Variants in CELSR3 observed in about 807,000 individuals in gnomAD.
CELSR3 encodes the protein cadherin EGF LAG seven-pass G-type receptor 3.
Under a neutral mutation model 270.0 loss-of-function variants are expected in CELSR3, and 73 were observed. The ratio of observed to expected loss-of-function variants is 0.27; its 90% CI spans 0.22 to 0.33. The LOEUF (loss-of-function observed/expected upper bound fraction) is 0.33, where lower values mean the gene tolerates loss of function less well. Among genes scored for constraint, CELSR3 ranks in the 10% least tolerant of loss-of-function variants. CELSR3 has a pLI of 1.00. For synonymous variants in CELSR3, 1,780 were observed against 1,905.4 expected (o/e 0.93, Z 1.71); for missense variants, 3,614 against 4,533.8 (o/e 0.80, Z 5.83).
rs2047149625 is a variant in CELSR3 at position 48,652,903 on chromosome 3, G to A, written c.5634+99C>T. Reference sequence around the variant, plus strand: ...GGGGTAGAACATCAGACTCAGTGCAGTGGAGGGAACTGAGAGGAGCTGGAC... The same window carrying A: ...GGGGTAGAACATCAGACTCAGTGCAATGGAGGGAACTGAGAGGAGCTGGAC... On this transcript the variant is annotated intron_variant, in intron 10 of 34. Coordinates refer to ENST00000164024, the MANE Select transcript of CELSR3 (RefSeq NM_001407.3). This position sits in a 1 kb window ranked among gnomAD's most constrained non-coding sequence, Gnocchi z 4.3. 4.0e-6 allele frequency: 4 copies of A among 993,506 alleles called. No homozygotes were observed. The highest frequency in any genetic ancestry group is 3.2e-5 in the African/African-American group (2 of 62,598). 61.5% of individuals were successfully genotyped at this position (993,506 alleles called of 1,614,324 possible).
chr3:48,655,673 G>C lies in CELSR3; in HGVS notation c.4741+63C>G, dbSNP rs1220180392. 7.2e-7 allele frequency: 1 copy of C among 1,390,806 alleles called. No individual in the cohort carries two copies. The highest frequency in any genetic ancestry group is 1.4e-5 in the African/African-American group (1 of 70,640). 86.2% of individuals were successfully genotyped at this position (1,390,806 alleles called of 1,614,324 possible). A position where few individuals can be genotyped will look rare whatever the true frequency, so the allele number is the denominator to read the frequency against. On this transcript the variant is annotated intron_variant, in intron 4 of 34. Transcript: ENST00000164024. This position sits in a 1 kb window ranked among gnomAD's most constrained non-coding sequence, Gnocchi z 5.8. ...GTGCACAGTGAAGCAAACCTGAGGGGACTTGGGCCCTGCGTCCTCCAGCAC... is the reference window on the plus strand; with the variant it reads ...GTGCACAGTGAAGCAAACCTGAGGGCACTTGGGCCCTGCGTCCTCCAGCAC...
At position 48,652,025 on chromosome 3, in the gene CELSR3, G is replaced by A; in HGVS notation, c.5775C>T (p.Pro1925=). 1 of 1,573,270 alleles carries A rather than the reference G, an allele frequency of 6.4e-7. No homozygotes were observed. Among genetic ancestry groups the A allele is most frequent in the Non-Finnish European group, 8.6e-7 (1 of 1,163,006 alleles). The change falls in exon 12 of 35, where the codon CCC becomes CCT. Residue 1925 remains proline, a synonymous_variant. Transcript: ENST00000164024. The surrounding 1 kb of genome is among the most constrained non-coding windows in gnomAD (Gnocchi z 4.3). The part of the protein sequence containing the change: ...CIQGVWLGST[P]SGSPALLPPS... ...GGGGTAGCAGGGCCGGGGAGCCAGAGGGTGTGGAGCCGAGCCACACCCCCT... is the reference window on the plus strand; with the variant it reads ...GGGGTAGCAGGGCCGGGGAGCCAGAAGGTGTGGAGCCGAGCCACACCCCCT...
chr3:48,648,969 C>A, intron 17 of CELSR3, 41 bp from the exon 18 acceptor site: 2 of 1,602,978 alleles, frequency 1.2e-6, no homozygotes, highest in East Asian at 2.2e-5. Flanking sequence ...GTCCCTTAGG[C>A]CTTCCTCTAA....
At position 48,652,663 on chromosome 3, in the gene CELSR3, TCCTGGACCCACAGTAGA is replaced by T. The variant is rs1436927222; in HGVS notation, c.5635-127_5635-111del. On this transcript the variant is annotated intron_variant, in intron 10 of 34. Transcript: ENST00000164024. The surrounding 1 kb of genome is among the most constrained non-coding windows in gnomAD (Gnocchi z 4.3). ...TAGCCCTTCTAGGCTGCCCCCTCCC[TCCTGGACCCACAGTAGA>T]CCTTAATATTGCTTGATTTTGACCG... 243 of 790,668 alleles carry T rather than the reference TCCTGGACCCACAGTAGA, an allele frequency of 3.1e-4. 1 individual carries two copies. The highest frequency in any genetic ancestry group is 2.7e-3 in the Admixed American group (96 of 35,030). 49.0% of individuals were successfully genotyped at this position (790,668 alleles called of 1,614,324 possible). A position where few individuals can be genotyped will look rare whatever the true frequency, so the allele number is the denominator to read the frequency against.
chr3:48,649,106 T>C lies in CELSR3; in HGVS notation c.6567+15A>G, dbSNP rs1449532417. The C allele has an allele frequency of 1.6e-5, 26 of 1,607,054 alleles. No homozygotes were observed. The highest frequency in any genetic ancestry group is 2.1e-5 in the Non-Finnish European group (25 of 1,176,664). Reference sequence around the variant, plus strand: ...GAAGGTCTTAGGTTGCAGGAAAAGGTCTGGGCAGTCTCACCAGCAGACTGA... The same window carrying C: ...GAAGGTCTTAGGTTGCAGGAAAAGGCCTGGGCAGTCTCACCAGCAGACTGA... On this transcript the variant is annotated intron_variant, in intron 17 of 34. Coordinates refer to ENST00000164024, the MANE Select transcript of CELSR3 (RefSeq NM_001407.3).
Position 48,655,342 on chromosome 3 carries a change from C to T in CELSR3, c.4794G>A (p.Gly1598=). ...SPTVPGGLSD[G]QWHTVHLRYY... is the part of the protein sequence containing the mutation. ...ATCTCAGATGCACTGTATGCCATTG[C>T]CCGTCACTCAAGCCCCCTGGAACTG... is the stretch of plus-strand genomic sequence containing the variant. The change falls in exon 5 of 35, where the codon GGG becomes GGA. Residue 1598 remains glycine (G), a synonymous_variant. Coordinates refer to ENST00000164024, the MANE Select transcript of CELSR3 (RefSeq NM_001407.3). This position sits in a 1 kb window ranked among gnomAD's most constrained non-coding sequence, Gnocchi z 5.8. 1.2e-6 allele frequency: 2 copies of T among 1,614,088 alleles called. No individual in the cohort carries two copies. The highest frequency in any genetic ancestry group is 1.1e-5 in the South Asian group (1 of 91,072).
rs760431521 is a variant in CELSR3, at chr3:48,641,345, G to A, written c.9004C>T (p.Arg3002Trp). Residue 3002 changes from arginine to tryptophan, a missense_variant, in exon 33 of 35, where the codon CGG becomes TGG. Transcript: ENST00000164024. This position sits in a 1 kb window ranked among gnomAD's most constrained non-coding sequence, Gnocchi z 4.8. ...GTACCTTTCCTCTGGCGCTGGGCCC[G>A]GCCCAGAGAAGTCTCATCCCCACTG... ...LTSGDETSLG[R>W]AQRQRKGILK... 3.7e-6 allele frequency: 6 copies of A among 1,610,322 alleles called. No homozygotes were observed. Among genetic ancestry groups the A allele is most frequent in the Middle Eastern group, 1.7e-4 (1 of 5,776 alleles).
rs1030520815 is a variant in CELSR3 at position 48,650,034 on chromosome 3, G to A, written c.6472+446C>T. 1.3e-5 allele frequency among the ~76,000 whole-genome samples: 2 copies of A among 151,740 alleles called. No homozygotes were observed. Among genetic ancestry groups the A allele is most frequent in the Non-Finnish European group, 2.9e-5 (2 of 67,942 alleles). On this transcript the variant is annotated intron_variant, in intron 16 of 34. Coordinates refer to ENST00000164024, the MANE Select transcript of CELSR3 (RefSeq NM_001407.3). The surrounding 1 kb of genome is among the most constrained non-coding windows in gnomAD (Gnocchi z 5.1). ...TTCGTGACCTCAGGCAGTGGGGAAA[G>A]TTCTATGGGGACCCCAGGAACTGAG...
chr3:48,660,496 G>A lies in CELSR3; in HGVS notation c.2139C>T (p.Pro713=). 1 of 1,614,106 alleles carries A rather than the reference G, an allele frequency of 6.2e-7. No individual in the cohort carries two copies. Among genetic ancestry groups the A allele is most frequent in the Non-Finnish European group, 8.5e-7 (1 of 1,180,032 alleles). ...AATGCTCCACAGACTCACGGTCCAG[G>A]GGACCACTCACAGAGACCCAGCCAG... ...SATGWVSVSG[P]LDRESVEHYF... Residue 713 remains proline, a synonymous_variant, in exon 1 of 35, where the codon CCC becomes CCT. Transcript: ENST00000164024. The surrounding 1 kb of genome is among the most constrained non-coding windows in gnomAD (Gnocchi z 5.5).
chr3:48,654,491 C>T lies in CELSR3; in HGVS notation c.4989-39G>A. 6.5e-7 allele frequency: 1 copy of T among 1,532,194 alleles called. No homozygotes were observed. Among genetic ancestry groups the T allele is most frequent in the Non-Finnish European group, 8.8e-7 (1 of 1,136,784 alleles). 94.9% of individuals were successfully genotyped at this position (1,532,194 alleles called of 1,614,324 possible). A position where few individuals can be genotyped will look rare whatever the true frequency, so the allele number is the denominator to read the frequency against. ...GTCTGGGTCATTGGTGGGACTGGGG[C>T]CAGAGTAGAGTTGCTCCTGGGGGGC... On this transcript the variant is annotated intron_variant, in intron 6 of 34. Coordinates refer to ENST00000164024, the MANE Select transcript of CELSR3 (RefSeq NM_001407.3). This position sits in a 1 kb window ranked among gnomAD's most constrained non-coding sequence, Gnocchi z 5.4.
rs781409540 is a variant in CELSR3, at chr3:48,654,437, C to T, written c.5004G>A (p.Thr1668=). 8.1e-6 allele frequency: 13 copies of T among 1,595,402 alleles called. No individual in the cohort carries two copies. Among genetic ancestry groups the T allele is most frequent in the South Asian group, 3.3e-5 (3 of 89,590 alleles). The change falls in exon 7 of 35, where the codon ACG becomes ACA. Residue 1668 remains threonine (T), a synonymous_variant. Coordinates refer to ENST00000164024, the MANE Select transcript of CELSR3 (RefSeq NM_001407.3). The surrounding 1 kb of genome is among the most constrained non-coding windows in gnomAD (Gnocchi z 5.4). ...QTSSKKSLDL[T]GPLLLGGVPN... ...GGACACCTCCCAGAAGAAGAGGGCC[C>T]GTCAGGTCCAGGGACCTGGGGATCA...
intron 34 of CELSR3, 95 bp from the exon 35 acceptor site, chr3:48,638,327 C>T: frequency 1.1e-6 from 1 of 876,308 alleles, no homozygotes; most frequent in South Asian, 1.3e-5. Context: ...GGCTGCTTCC[C>T]TTGCCTCCAC....
chr3:48,662,226 G>A lies in CELSR3; in HGVS notation c.409C>T (p.Pro137Ser), dbSNP rs2106725668. The A allele has an allele frequency of 6.2e-7, 1 of 1,613,194 alleles. No individual in the cohort carries two copies. Among genetic ancestry groups the A allele is most frequent in the East Asian group, 2.2e-5 (1 of 44,874 alleles). ...GTCCGCCCGCAAGAGGAGACCTCTGGGCGCCAGTATAACACAGACCCTGGT... is the reference window on the plus strand; with the variant it reads ...GTCCGCCCGCAAGAGGAGACCTCTGAGCGCCAGTATAACACAGACCCTGGT... Reference protein sequence around the residue: ...QGPGSVLYWRPEVSSCGRTGP... With the variant: ...QGPGSVLYWRSEVSSCGRTGP... The change falls in exon 1 of 35, where the codon CCA (proline) becomes TCA (serine). Residue 137 changes from proline to serine, a missense_variant. Around this residue, in one of 7 missense-constraint regions of CELSR3, gnomAD observed 470 missense variants for 469.7 expected, o/e 1.00. Transcript: ENST00000164024. This position sits in a 1 kb window ranked among gnomAD's most constrained non-coding sequence, Gnocchi z 7.1.
rs1028763036 is a variant in CELSR3 at position 48,645,968 on chromosome 3, A to G, written c.7464-100T>C. Reference sequence around the variant, plus strand: ...CTGAGGGTGCCTGGAGTTGGGGTACAGCATTCCTCATGGTCCGGGTTGCAC... The same window carrying G: ...CTGAGGGTGCCTGGAGTTGGGGTACGGCATTCCTCATGGTCCGGGTTGCAC... On this transcript the variant is annotated intron_variant, in intron 22 of 34. Coordinates refer to ENST00000164024, the MANE Select transcript of CELSR3 (RefSeq NM_001407.3). The surrounding 1 kb of genome is among the most constrained non-coding windows in gnomAD (Gnocchi z 5.4). 1.0e-5 allele frequency: 16 copies of G among 1,570,364 alleles called. No individual in the cohort carries two copies. The highest frequency in any genetic ancestry group is 1.3e-5 in the Non-Finnish European group (15 of 1,153,592).
In CELSR3 at chr3:48,644,851, C is replaced by A; in HGVS notation, c.7973-23G>T. On this transcript the variant is annotated intron_variant, in intron 25 of 34. Transcript: ENST00000164024. This position sits in a 1 kb window ranked among gnomAD's most constrained non-coding sequence, Gnocchi z 4.8. ...GGCCTTGGGAAGAGAAAGGGTAGGA[C>A]TGAGGGTGTGTGTTCCAGAGCTGCT... The A allele has an allele frequency of 6.2e-7, 1 of 1,602,270 alleles. No individual in the cohort carries two copies. Among genetic ancestry groups the A allele is most frequent in the Non-Finnish European group, 8.5e-7 (1 of 1,171,298 alleles).
rs761794923 is a variant in CELSR3 at position 48,642,340 on chromosome 3, C to A, written c.8665+18G>T. The A allele has an allele frequency of 2.9e-5, 47 of 1,609,352 alleles. No homozygotes were observed. The highest frequency in any genetic ancestry group is 3.9e-5 in the Non-Finnish European group (46 of 1,177,904). ...GATCCTCTGCCTCCCTCCTCCCTGC[C>A]CCAGGCCCCAACTCCACCAGCATCT... On this transcript the variant is annotated intron_variant, in intron 31 of 34. Coordinates refer to ENST00000164024, the MANE Select transcript of CELSR3 (RefSeq NM_001407.3). This position sits in a 1 kb window ranked among gnomAD's most constrained non-coding sequence, Gnocchi z 6.1.
At chr3:48,649,353 A>G in intron 16 of CELSR3, 138 bp from the exon 17 acceptor site, 1 of 737,666 alleles carries the variant, frequency 1.4e-6, no homozygotes, top group Non-Finnish European at 2.2e-6. Flanking sequence ...GCACCCCTGG[A>G]GGTAGCGGCC....
chr3:48,656,512 C>A, intron 2 of CELSR3, 147 bp from the exon 3 acceptor site: 3 of 1,136,886 alleles, frequency 2.6e-6, no homozygotes, highest in Non-Finnish European at 3.5e-6. Context: ...TCTGGCCCCG[C>A]CCCCTCCCCA....
In CELSR3 at chr3:48,645,288, T is replaced by C. The variant is rs2047070350; in HGVS notation, c.7798-79A>G. On this transcript the variant is annotated intron_variant, in intron 24 of 34. Coordinates refer to ENST00000164024, the MANE Select transcript of CELSR3 (RefSeq NM_001407.3). This position sits in a 1 kb window ranked among gnomAD's most constrained non-coding sequence, Gnocchi z 5.4. ...CTACCCCAGGCATCTGCTTCCCACC[T>C]CTCACCCCTAAACCACAATATCTTA... The C allele has an allele frequency of 4.6e-6, 7 of 1,533,002 alleles. No individual in the cohort carries two copies. The allele number at this position is 1,533,002 out of a possible 1,614,324, so 95.0% of individuals were successfully genotyped here. A position where few individuals can be genotyped will look rare whatever the true frequency, so the allele number is the denominator to read the frequency against.
Sources: gnomAD v4.1 joint callset for allele counts (sites outside exome capture counted in the v4.1 genomes callset) on GRCh38, gnomAD v4.1.1 for gene constraint, gnomAD v4.1.1 regional missense constraint, Gnocchi (gnomAD v3.1) non-coding constraint, MANE v1.5 for transcripts, NCBI Gene and HGNC (gene_info 2026-07-23, HGNC 2026-07-21) for gene names.